The following NFIC variants were observed in gnomAD, a reference collection of about 807,000 sequenced individuals.
NFIC encodes the protein nuclear factor I C.
A neutral mutation model predicts 54.4 loss-of-function variants in NFIC; 12 were observed. The ratio of observed to expected loss-of-function variants is 0.22; its 90% CI spans 0.14 to 0.36. The LOEUF (loss-of-function observed/expected upper bound fraction) is 0.36. NFIC is among the 10% of genes least tolerant of loss of function. The pLI is 1.00. For missense variants in NFIC, 575 were observed against 718.2 expected (o/e 0.80, Z 2.28); for synonymous variants, 322 against 319.2 (o/e 1.01, Z -0.09).
At chr19:3,377,598 T>A (rs1296103338) in intron 1 of NFIC, among the ~76,000 whole-genome samples, 2 of 151,952 alleles carry the variant, frequency 1.3e-5, no homozygotes, top group Non-Finnish European at 2.9e-5. Flanking sequence ...CAGATGTTTT[T>A]AATTTGTTTT....
In NFIC at chr19:3,367,024, G is replaced by A. The variant is rs1348638005; in HGVS notation, c.30+358G>A. ...GACACTCGGAAAGGTCGGGGTGGGG[G>A]CTGGCCCCCCTCCAGCAAGGGCTCT... is the stretch of plus-strand genomic sequence containing the variant. On this transcript the variant is annotated intron_variant, in intron 1 of 10. Transcript: ENST00000443272. 4.0e-5 allele frequency among the ~76,000 whole-genome samples: 6 copies of A among 151,434 alleles called. No individual in the cohort carries two copies. The East Asian group carries it at 9.8e-4, about 25-fold the overall frequency.
intron 2 of NFIC, among the ~76,000 whole-genome samples, chr19:3,414,362 C>T (rs1034543462): frequency 4.6e-5 from 7 of 151,904 alleles, no homozygotes; most frequent in African/African-American, 7.3e-5. Context: ...TTTGGGAGTC[C>T]GAGGCGGACG....
intron 1 of NFIC, among the ~76,000 whole-genome samples, chr19:3,367,852 T>C (rs1455006844): frequency 1.3e-5 from 2 of 152,022 alleles, no homozygotes; most frequent in African/African-American, 4.8e-5. Context: ...GGGGAGTATA[T>C]GAGTCCCCGG....
intron 2 of NFIC, among the ~76,000 whole-genome samples, chr19:3,418,372 C>A (rs2345367): frequency 6.6e-6 from 1 of 152,076 alleles, no homozygotes; most frequent in Non-Finnish European, 1.5e-5. Flanking sequence ...ACCGAGATTA[C>A]AGGCATGTGC....
chr19:3,400,669 C>T (rs2081541071), intron 2 of NFIC, among the ~76,000 whole-genome samples: 1 of 152,074 alleles, frequency 6.6e-6, no homozygotes, highest in South Asian at 2.1e-4. Context: ...GGTGAAACCC[C>T]GTTCCTACTA....
intron 9 of NFIC, among the ~76,000 whole-genome samples, chr19:3,455,300 C>T (rs2121919737): frequency 6.6e-6 from 1 of 152,158 alleles, no homozygotes; most frequent in Non-Finnish European, 1.5e-5. Context: ...GGGATCCACT[C>T]AGGGCTCGAT....
In NFIC at chr19:3,366,678, G is replaced by T. The variant is rs756097501; in HGVS notation, c.30+12G>T. 1.4e-6 allele frequency: 2 copies of T among 1,411,858 alleles called. No individual in the cohort carries two copies. Among genetic ancestry groups the T allele is most frequent in the Non-Finnish European group, 1.9e-6 (2 of 1,080,018 alleles). The allele number at this position is 1,411,858 out of a possible 1,614,324, so 87.5% of individuals were successfully genotyped here. ...TCTGCCTCACCCAGGTACGGTCCTCGCCCGGCCCCCCGCCGGCGCCCCCGC... is the reference window on the plus strand; with the variant it reads ...TCTGCCTCACCCAGGTACGGTCCTCTCCCGGCCCCCCGCCGGCGCCCCCGC... On this transcript the variant is annotated intron_variant, in intron 1 of 10. Coordinates refer to ENST00000443272, the MANE Select transcript of NFIC (RefSeq NM_001245002.2).
chr19:3,396,746 A>C (rs2081471134), intron 2 of NFIC, among the ~76,000 whole-genome samples: 1 of 152,226 alleles, frequency 6.6e-6, no homozygotes, highest in Non-Finnish European at 1.5e-5. Context: ...ACCTGAGATC[A>C]GGAGTTCGAG....
intron 10 of NFIC, 126 bp downstream of exon 10, chr19:3,456,761 CCA>C (rs1174064749): frequency 2.2e-6 from 2 of 916,722 alleles, no homozygotes; most frequent in Non-Finnish European, 3.4e-6. Context: ...CGCCAGCCTC[CCA>C]CACCCCACCT....
In NFIC at chr19:3,393,241, G is replaced by T. The variant is rs190066779; in HGVS notation, c.562+10998G>T. 3.0e-3 allele frequency among the ~76,000 whole-genome samples: 451 copies of T among 152,236 alleles called. 2 individuals carry two copies. Among genetic ancestry groups the T allele is most frequent in the Non-Finnish European group, 5.0e-3 (342 of 68,022 alleles). Reference sequence around the variant, plus strand: ...CGCCCAGACTAAGTCCCATCTTTAGGTCCGCTTGGCTGTTCCACGGCCACC... The same window carrying T: ...CGCCCAGACTAAGTCCCATCTTTAGTTCCGCTTGGCTGTTCCACGGCCACC... On this transcript the variant is annotated intron_variant, in intron 2 of 10. Transcript: ENST00000443272.
chr19:3,363,356 C>T (rs2080843052), upstream of NFIC, among the ~76,000 whole-genome samples: 2 of 148,016 alleles, frequency 1.4e-5, no homozygotes, highest in African/African-American at 5.0e-5. Context: ...ACTGCAACCT[C>T]CACCTCCCGA....
intron 9 of NFIC, among the ~76,000 whole-genome samples, chr19:3,454,669 C>T (rs947482072): frequency 1.3e-5 from 2 of 151,768 alleles, no homozygotes; most frequent in Non-Finnish European, 2.9e-5. Context: ...TCACAGGGCG[C>T]CAGACATCTC....
rs2082597848 is a variant in NFIC at position 3,458,806 on chromosome 19, G to GT, written c.1509+2171_1509+2172insT. Among the ~76,000 whole-genome samples the GT allele has an allele frequency of 6.6e-6, 1 of 152,118 alleles. No homozygotes were observed. The highest frequency in any genetic ancestry group is 1.5e-5 in the Non-Finnish European group (1 of 67,992). On this transcript the variant is annotated intron_variant, in intron 10 of 10. Transcript: ENST00000443272. This position sits in a 1 kb window ranked among gnomAD's most constrained non-coding sequence, Gnocchi z 4.1. ...AGAGGGAGGGAGTGGACACCCACCA[G>GT]GCCTGGGAGTCAGAACTTTCTGGAG...
At position 3,420,564 on chromosome 19, in the gene NFIC, T is replaced by A. The variant is rs1000787553; in HGVS notation, c.563-4542T>A. Among the ~76,000 whole-genome samples the A allele has an allele frequency of 1.6e-4, 24 of 148,606 alleles. No individual in the cohort carries two copies. In the South Asian group the frequency reaches 2.1e-3, roughly 13 times the overall value. ...CGAGATTCCATCTCAAAAAAATAAA[T>A]AAATAAATAAATAAATAAATAAAAG... On this transcript the variant is annotated intron_variant, in intron 2 of 10. Transcript: ENST00000443272.
At position 3,463,330 on chromosome 19, in the gene NFIC, A is replaced by ACTGGGGGGAAAGGGAGACACAGCGGAC; in HGVS notation, c.*563_*589dup. Reference sequence around the variant, plus strand: ...CTCAGCCCCCACCGAGGACGCAGCCACTGGGGGGAAAGGGAGACACAGCGG... The same window carrying ACTGGGGGGAAAGGGAGACACAGCGGAC: ...CTCAGCCCCCACCGAGGACGCAGCCACTGGGGGGAAAGGGAGACACAGCGGACCTGGGGGGAAAGGGAGACACAGCGG... On this transcript the variant is annotated 3_prime_UTR_variant, in exon 11 of 11. Coordinates refer to ENST00000443272, the MANE Select transcript of NFIC (RefSeq NM_001245002.2). 1.0e-6 allele frequency: 1 copy of ACTGGGGGGAAAGGGAGACACAGCGGAC among 986,608 alleles called. No homozygotes were observed. Among genetic ancestry groups the ACTGGGGGGAAAGGGAGACACAGCGGAC allele is most frequent in the Non-Finnish European group, 1.2e-6 (1 of 830,954 alleles). 61.1% of individuals were successfully genotyped at this position (986,608 alleles called of 1,614,324 possible).
chr19:3,417,094 C>T (rs2081871256), intron 2 of NFIC, among the ~76,000 whole-genome samples: 1 of 150,572 alleles, frequency 6.6e-6, no homozygotes, highest in South Asian at 2.1e-4. Context: ...ACCATGTTAG[C>T]CAGGATGGTC....
chr19:3,452,090 G>A lies in NFIC; in HGVS notation c.1085-392G>A, dbSNP rs1337695443. On this transcript the variant is annotated intron_variant, in intron 7 of 10. Coordinates refer to ENST00000443272, the MANE Select transcript of NFIC (RefSeq NM_001245002.2). This position sits in a 1 kb window ranked among gnomAD's most constrained non-coding sequence, Gnocchi z 5.3. ...GGTCATACCACTGCACTCCAGCCTG[G>A]GTGACTGTCTCAAAAAAAAAAAAAA... Among the ~76,000 whole-genome samples, 1 of 147,136 alleles carries A rather than the reference G, an allele frequency of 6.8e-6. No homozygotes were observed. The highest frequency in any genetic ancestry group is 2.6e-5 in the African/African-American group (1 of 39,036).
intron 2 of NFIC, among the ~76,000 whole-genome samples, chr19:3,404,412 G>T (rs2081609622): frequency 6.6e-6 from 1 of 152,176 alleles, no homozygotes; most frequent in Admixed American, 6.5e-5. Context: ...CAGATAATGG[G>T]GAGGGGGCGC....
At chr19:3,434,946 G>A (rs2082175205) in intron 5 of NFIC, 137 bp from the exon 6 acceptor site, 10 of 1,229,466 alleles carry the variant, frequency 8.1e-6, no homozygotes, top group South Asian at 3.2e-5. Context: ...CTGAACGCCC[G>A]CGGCTCCCGC....
Sources: allele counts gnomAD v4.1 joint callset (sites outside exome capture counted in the v4.1 genomes callset), GRCh38; gene constraint gnomAD v4.1.1; non-coding constraint Gnocchi (gnomAD v3.1); transcripts MANE v1.5; gene names NCBI Gene and HGNC (gene_info 2026-07-23, HGNC 2026-07-21).